EXOC4: variants seen among roughly 807,000 people sequenced by gnomAD.
EXOC4 encodes exocyst complex component 4, also known as SEC8-like 1.
EXOC4 carries 71 observed loss-of-function variants against 107.2 expected under a neutral mutation model. The observed-to-expected ratio is 0.66, with a 90% CI of 0.55 to 0.81. The LOEUF (loss-of-function observed/expected upper bound fraction) is 0.81. Ranked by LOEUF, EXOC4 falls within the 30% of genes least tolerant of loss-of-function variation. The pLI, the probability that EXOC4 is intolerant of heterozygous loss-of-function variation, is 0.00. For missense variants in EXOC4, 1,108 were observed against 1,189.6 expected, an observed-to-expected ratio of 0.93 and a Z score of 1.01; for synonymous variants, 456 against 441.2, an observed-to-expected ratio of 1.03 and a Z score of -0.42.
chr7:133,873,118 G>A (rs1357625871), intron 11 of EXOC4, among the ~76,000 whole-genome samples: 1 of 152,180 alleles, frequency 6.6e-6, no homozygotes, highest in Non-Finnish European at 1.5e-5. Context: ...AGATCAGCCT[G>A]GGCAACATAG....
intron 12 of EXOC4, among the ~76,000 whole-genome samples, chr7:133,906,059 G>T (rs956430349): frequency 2.6e-5 from 4 of 152,190 alleles, no homozygotes; most frequent in African/African-American, 9.6e-5. Context: ...CAGGAAAGGA[G>T]AAATTTCTTG....
At chr7:133,775,929 A>C (rs1796335769) in intron 10 of EXOC4, among the ~76,000 whole-genome samples, 1 of 152,164 alleles carries the variant, frequency 6.6e-6, no homozygotes, top group Non-Finnish European at 1.5e-5. Context: ...CTAGAAGGAA[A>C]CCACATCATC....
chr7:133,886,360 C>T (rs1296218523), intron 11 of EXOC4, among the ~76,000 whole-genome samples: 1 of 152,198 alleles, frequency 6.6e-6, no homozygotes, highest in Non-Finnish European at 1.5e-5. Context: ...TTCTGGCAAA[C>T]AGTGGACTAG....
intron 7 of EXOC4, among the ~76,000 whole-genome samples, 195 bp downstream of exon 7, chr7:133,375,197 TGTGTGCA>T (rs950895538): frequency 1.3e-5 from 2 of 152,214 alleles, no homozygotes; most frequent in African/African-American, 2.4e-5. Flanking sequence ...TTTAACAGGC[TGTGTGCA>T]GTGGCTCATT....
At chr7:133,484,172 C>T (rs1799221865) in intron 9 of EXOC4, 1 of 1,590,932 alleles carries the variant, frequency 6.3e-7, no homozygotes, top group Admixed American at 1.8e-5. Flanking sequence ...CTAACAACAC[C>T]CAAGAGGATA....
At chr7:134,020,043 G>A (rs751830156) in intron 17 of EXOC4, among the ~76,000 whole-genome samples, 26 of 152,082 alleles carry the variant, frequency 1.7e-4, no homozygotes, top group Non-Finnish European at 3.7e-4. Context: ...ACTTAGACCC[G>A]AGACCACTCT....
intron 7 of EXOC4, among the ~76,000 whole-genome samples, chr7:133,450,392 T>C (rs1798314947): frequency 6.6e-6 from 1 of 152,080 alleles, no homozygotes; most frequent in Admixed American, 6.6e-5. Flanking sequence ...TGAACTCCTG[T>C]CCTCAAGTGA....
At chr7:133,829,234 A>G (rs1050684737) in intron 11 of EXOC4, among the ~76,000 whole-genome samples, 4 of 152,232 alleles carry the variant, frequency 2.6e-5, no homozygotes, top group Admixed American at 2.0e-4. Flanking sequence ...CGGGGGCACA[A>G]AACTCTACCA....
At chr7:134,074,915 CT>C in the EXOC4 span, among the ~76,000 whole-genome samples, 1 of 152,096 alleles carries the variant, frequency 6.6e-6, no homozygotes, top group African/African-American at 2.4e-5. Flanking sequence ...GAAAATGGAA[CT>C]GGACCATGGT....
chr7:133,389,965 T>C (rs892409376), intron 7 of EXOC4, among the ~76,000 whole-genome samples: 42 of 151,456 alleles, frequency 2.8e-4, no homozygotes, highest in Non-Finnish European at 5.0e-4. Flanking sequence ...ATGAGACTTA[T>C]CACTATCATG....
chr7:133,932,209 A>G (rs1216303995), intron 13 of EXOC4, among the ~76,000 whole-genome samples: 4 of 152,180 alleles, frequency 2.6e-5, no homozygotes, highest in Non-Finnish European at 5.9e-5. Context: ...TTAACTTCTT[A>G]TCGTACATGT....
chr7:133,579,100 A>G (rs1305145165), intron 9 of EXOC4, among the ~76,000 whole-genome samples: 1 of 152,182 alleles, frequency 6.6e-6, no homozygotes, highest in Non-Finnish European at 1.5e-5. Context: ...TAGTTATCCT[A>G]TCTTGTTCTT....
At chr7:133,265,129 C>T (rs867979523) in intron 1 of EXOC4, among the ~76,000 whole-genome samples, 1 of 151,950 alleles carries the variant, frequency 6.6e-6, no homozygotes, top group Non-Finnish European at 1.5e-5. Context: ...GGATGAGTAG[C>T]AACAGGAATA....
At chr7:133,808,362 G>T (rs902654111) in intron 10 of EXOC4, among the ~76,000 whole-genome samples, 8 of 152,042 alleles carry the variant, frequency 5.3e-5, no homozygotes, top group African/African-American at 1.9e-4. Flanking sequence ...CTGATTTATG[G>T]TCTTAAATAT....
intron 10 of EXOC4, among the ~76,000 whole-genome samples, chr7:133,771,978 C>T (rs1796252645): frequency 1.3e-5 from 2 of 151,938 alleles, no homozygotes; most frequent in Admixed American, 1.3e-4. Context: ...CAGGCTCTGA[C>T]ATGTGTTTTA....
At chr7:134,037,439 A>G (rs952337989) in intron 17 of EXOC4, among the ~76,000 whole-genome samples, 3 of 152,224 alleles carry the variant, frequency 2.0e-5, no homozygotes, top group African/African-American at 7.2e-5. Flanking sequence ...TTCAATAATA[A>G]TTGAATTTCT....
At chr7:133,742,587 A>C (rs905517887) in intron 10 of EXOC4, among the ~76,000 whole-genome samples, 1 of 152,236 alleles carries the variant, frequency 6.6e-6, no homozygotes, top group Non-Finnish European at 1.5e-5. Context: ...AGCTAGTTTC[A>C]TATCCTGCAG....
chr7:133,685,509 A>C (rs915183040), intron 10 of EXOC4, among the ~76,000 whole-genome samples: 5 of 152,186 alleles, frequency 3.3e-5, no homozygotes, highest in Non-Finnish European at 7.3e-5. Flanking sequence ...GCAGTTTTTT[A>C]TAGTAGTATG....
At chr7:133,772,267 A>C (rs1010957356) in intron 10 of EXOC4, among the ~76,000 whole-genome samples, 1 of 152,034 alleles carries the variant, frequency 6.6e-6, no homozygotes, top group African/African-American at 2.4e-5. Flanking sequence ...AGCCCTGGTA[A>C]TATTTAGGAA....
Sources: allele counts gnomAD v4.1 joint callset (sites outside exome capture counted in the v4.1 genomes callset), GRCh38; gene constraint gnomAD v4.1.1; transcripts MANE v1.5; gene names NCBI Gene and HGNC (gene_info 2026-07-23, HGNC 2026-07-21).